The following MIR2052HG variants were observed in gnomAD, a reference collection of about 807,000 sequenced individuals.
MIR2052HG encodes MIR2052 host gene.
intron 4 of MIR2052HG, among the ~76,000 whole-genome samples, chr8:74,739,077 G>T (rs1340097874): frequency 2.0e-5 from 3 of 152,158 alleles, no homozygotes; most frequent in African/African-American, 7.2e-5. Context: ...GCAAACAGTT[G>T]CTCTTAAACA....
chr8:74,676,717 T>C (rs1300551004), intron 2 of MIR2052HG, among the ~76,000 whole-genome samples: 1 of 151,980 alleles, frequency 6.6e-6, no homozygotes, highest in Non-Finnish European at 1.5e-5. Flanking sequence ...ACTAGAGATC[T>C]AATATATACC....
At chr8:74,737,634 G>A (rs183939825) in intron 4 of MIR2052HG, among the ~76,000 whole-genome samples, 1 of 152,084 alleles carries the variant, frequency 6.6e-6, no homozygotes, top group Non-Finnish European at 1.5e-5. Flanking sequence ...TGATCATTCA[G>A]GGCTCAAATT....
chr8:74,720,922 T>G (rs754429141), intron 4 of MIR2052HG, among the ~76,000 whole-genome samples: 2 of 152,110 alleles, frequency 1.3e-5, no homozygotes, highest in African/African-American at 4.8e-5. Context: ...CTCACCATCA[T>G]GAGAACAGCA....
intron 4 of MIR2052HG, among the ~76,000 whole-genome samples, chr8:74,721,069 T>C (rs1809573176): frequency 6.6e-6 from 1 of 152,124 alleles, no homozygotes; most frequent in Non-Finnish European, 1.5e-5. Flanking sequence ...ATAAGGTGGC[T>C]TAATTAAGAG....
At chr8:74,714,503 ACT>A (rs1809500931) in intron 4 of MIR2052HG, among the ~76,000 whole-genome samples, 1 of 152,142 alleles carries the variant, frequency 6.6e-6, no homozygotes, top group South Asian at 2.1e-4. Context: ...ATTTTAGAAG[ACT>A]GAGAGAACAC....
intron 2 of MIR2052HG, among the ~76,000 whole-genome samples, chr8:74,613,813 A>G (rs1014770336): frequency 6.6e-6 from 1 of 152,138 alleles, no homozygotes; most frequent in African/African-American, 2.4e-5. Context: ...TTAAGCCATT[A>G]TCAGGATTTG....
chr8:74,720,835 A>C (rs1293344783), intron 4 of MIR2052HG, among the ~76,000 whole-genome samples: 1 of 152,106 alleles, frequency 6.6e-6, no homozygotes, highest in African/African-American at 2.4e-5. Flanking sequence ...GGCACATCTT[A>C]CATGGTGGTA....
chr8:74,648,822 A>G (rs1375918056), intron 2 of MIR2052HG, among the ~76,000 whole-genome samples: 1 of 152,198 alleles, frequency 6.6e-6, no homozygotes, highest in African/African-American at 2.4e-5. Flanking sequence ...TGCCTGATAG[A>G]TCATATCTAA....
At chr8:74,656,918 A>C (rs1563524545) in intron 2 of MIR2052HG, among the ~76,000 whole-genome samples, 2 of 152,230 alleles carry the variant, frequency 1.3e-5, no homozygotes, top group Admixed American at 1.3e-4. Context: ...ATAATCCTAG[A>C]GAAAAGTAGT....
intron 4 of MIR2052HG, among the ~76,000 whole-genome samples, chr8:74,736,128 T>C (rs1364059097): frequency 1.3e-5 from 2 of 152,190 alleles, no homozygotes; most frequent in Non-Finnish European, 2.9e-5. Context: ...TAAAGTTTCT[T>C]GATCTGTGAA....
intron 2 of MIR2052HG, among the ~76,000 whole-genome samples, chr8:74,679,757 G>C (rs780473168): frequency 1.3e-4 from 20 of 151,868 alleles, no homozygotes; most frequent in Non-Finnish European, 2.5e-4. Flanking sequence ...CGCCAGGCTG[G>C]TTTTGAACTC....
At chr8:74,635,176 G>A (rs1808567368) in intron 2 of MIR2052HG, among the ~76,000 whole-genome samples, 1 of 151,704 alleles carries the variant, frequency 6.6e-6, no homozygotes, top group Non-Finnish European at 1.5e-5. Flanking sequence ...GTAGAATTAT[G>A]AAATATTTAT....
chr8:74,725,373 A>G (rs1809623062), intron 4 of MIR2052HG, among the ~76,000 whole-genome samples: 3 of 152,190 alleles, frequency 2.0e-5, no homozygotes, highest in African/African-American at 7.2e-5. Flanking sequence ...GTAACCTGCA[A>G]CCTTGTATGA....
chr8:74,634,022 T>C (rs76622705), intron 2 of MIR2052HG, among the ~76,000 whole-genome samples: 3,298 of 152,280 alleles, frequency 0.022, 57 homozygotes, highest in Middle Eastern at 0.034. Context: ...CTCAAATATC[T>C]GGGAGCCTAA....
chr8:74,723,212 A>G (rs952692454), intron 4 of MIR2052HG, among the ~76,000 whole-genome samples: 22 of 152,208 alleles, frequency 1.4e-4, no homozygotes, highest in Admixed American at 6.5e-5. Flanking sequence ...CACTCAAGTC[A>G]TCTCCTCTCT....
chr8:74,688,712 A>C (rs1809208864), intron 2 of MIR2052HG, among the ~76,000 whole-genome samples: 1 of 152,150 alleles, frequency 6.6e-6, no homozygotes, highest in African/African-American at 2.4e-5. Flanking sequence ...ATTTGGTTAC[A>C]TGATAAGTTC....
chr8:74,657,380 C>G (rs1036006272), intron 2 of MIR2052HG, among the ~76,000 whole-genome samples: 8 of 152,268 alleles, frequency 5.3e-5, no homozygotes, highest in African/African-American at 1.9e-4. Context: ...TCAGTGACTC[C>G]TCATTCCTCA....
At chr8:74,751,194 G>A (rs1435630400) in intron 4 of MIR2052HG, among the ~76,000 whole-genome samples, 2 of 152,172 alleles carry the variant, frequency 1.3e-5, no homozygotes, top group African/African-American at 2.4e-5. Flanking sequence ...CTTGAACGTG[G>A]TAACAGTCTT....
At chr8:74,727,703 G>T (rs1318312217) in intron 4 of MIR2052HG, among the ~76,000 whole-genome samples, 2 of 152,056 alleles carry the variant, frequency 1.3e-5, no homozygotes. Context: ...GACTTGGTTA[G>T]CTACTGAAAT....
Sources: allele counts gnomAD v4.1 joint callset (sites outside exome capture counted in the v4.1 genomes callset), GRCh38; gene constraint gnomAD v4.1.1; transcripts MANE v1.5; gene names NCBI Gene and HGNC (gene_info 2026-07-23, HGNC 2026-07-21).